The following CATSPER2 variants were observed in gnomAD, a reference collection of about 807,000 sequenced individuals.
CATSPER2 encodes cation channel sperm-associated protein 2.
CATSPER2 carries 56 observed loss-of-function variants against 68.8 expected under a neutral mutation model. That is an observed-to-expected ratio of 0.81 (90% CI 0.66 to 1.02). The LOEUF (loss-of-function observed/expected upper bound fraction) is 1.02. CATSPER2 is among the 50% of genes least tolerant of loss of function. The pLI, the probability that CATSPER2 is intolerant of heterozygous loss-of-function variation, is 0.00. For missense variants in CATSPER2, 582 were observed against 642.0 expected (o/e 0.91, Z 1.01); for synonymous variants, 198 against 229.9 (o/e 0.86, Z 1.26).
chr15:43,632,894 A>G lies in CATSPER2; in HGVS notation c.1219T>C (p.Ser407Pro), dbSNP rs143154095. Residue 407 changes from serine (S) to proline (P), a missense_variant, in exon 11 of 13, where the codon TCA becomes CCA. By Grantham distance (74) the Ser-to-Pro change is moderately conservative. Around this residue, in one of 5 missense-constraint regions of CATSPER2, gnomAD observed 235 missense variants for 264.2 expected, o/e 0.89. Coordinates refer to ENST00000396879, the MANE Select transcript of CATSPER2 (RefSeq NM_172095.4). ...TTAGACTCTACTTCAGACACTTCTG[A>G]TAAGTCCAAACTTTCCCTTTGTTGA... ...ASQQRESLDL[S>P]EVSEVESNYG... is the part of the protein sequence containing the mutation. 18 of 1,609,290 alleles carry G rather than the reference A, an allele frequency of 1.1e-5. 2 individuals carry two copies. The highest frequency in any genetic ancestry group is 5.5e-5 in the South Asian group (5 of 90,870).
At chr15:43,633,722 G>T (rs1246314551) in intron 10 of CATSPER2, 3 of 151,452 alleles carry the variant, frequency 2.0e-5, no homozygotes, top group African/African-American at 7.3e-5. Context: ...GGCGGGTGGA[G>T]TGCCTGAGCT....
intron 12 of CATSPER2, chr15:43,631,356 G>C (rs559057729): frequency 2.4e-4 from 44 of 185,756 alleles, no homozygotes; most frequent in South Asian, 7.8e-4. Flanking sequence ...TCAGCCTCCC[G>C]AGTAGCTGGG....
chr15:43,640,354 C>G lies in CATSPER2; in HGVS notation c.531G>C (p.Trp177Cys). The change falls in exon 5 of 13, where the codon TGG (tryptophan) becomes TGC (cysteine). Residue 177 changes from tryptophan (W) to cysteine (C), a missense_variant. Coordinates refer to ENST00000396879, the MANE Select transcript of CATSPER2 (RefSeq NM_172095.4). ...SNFSVFWKSA[W>C]NVFDFVVTML... ...TGGTAACAACAAAGTCAAAGACATT[C>G]CAGGCACTCTTCCAGAAAACAGAAA... The G allele has an allele frequency of 6.2e-7, 1 of 1,612,022 alleles. No individual in the cohort carries two copies. The highest frequency in any genetic ancestry group is 8.5e-7 in the Non-Finnish European group (1 of 1,178,626).
intron 4 of CATSPER2, 35 bp downstream of exon 4, chr15:43,647,015 C>T: frequency 6.4e-7 from 1 of 1,571,366 alleles, no homozygotes; most frequent in East Asian, 2.2e-5. Flanking sequence ...GCGTGCCCGG[C>T]CTCACTTCCT....
intron 4 of CATSPER2, among the ~76,000 whole-genome samples, chr15:43,641,825 T>C (rs1018630024): frequency 2.0e-5 from 3 of 151,976 alleles, no homozygotes; most frequent in African/African-American, 7.3e-5. Context: ...TCTGGGTAAC[T>C]GGGACCACAG....
chr15:43,633,016 C>G (rs1397951476), intron 10 of CATSPER2, 82 bp from the exon 11 acceptor site: 7 of 1,162,588 alleles, frequency 6.0e-6, no homozygotes, highest in Admixed American at 2.2e-5. Flanking sequence ...CCCCTGGCCA[C>G]CCCCTAAAGC....
rs759943805 is a variant in CATSPER2 at position 43,648,841 on chromosome 15, C to T, written c.-215G>A. The T allele has an allele frequency of 1.3e-6, 2 of 1,528,242 alleles. No homozygotes were observed. Among genetic ancestry groups the T allele is most frequent in the Admixed American group, 2.0e-5 (1 of 50,366 alleles). The allele number at this position is 1,528,242 out of a possible 1,614,324, so 94.7% of individuals were successfully genotyped here. ...ACCCACAGCCCAGGACCATGCGGAG[C>T]AACGCTCGCCCAGCCACTCGCCGCC... On this transcript the variant is annotated 5_prime_UTR_variant, in exon 1 of 13. Transcript: ENST00000396879.
intron 4 of CATSPER2, among the ~76,000 whole-genome samples, chr15:43,644,368 G>A (rs932840557): frequency 1.3e-5 from 2 of 151,950 alleles, no homozygotes; most frequent in Non-Finnish European, 2.9e-5. Flanking sequence ...AGCTTGCCAG[G>A]TAATTTCTAG....
chr15:43,632,610 A>G lies in CATSPER2; in HGVS notation c.1396+107T>C, dbSNP rs2141547202. 26 of 1,589,814 alleles carry G rather than the reference A, an allele frequency of 1.6e-5. 1 individual carries two copies. The highest frequency in any genetic ancestry group is 2.2e-5 in the Non-Finnish European group (26 of 1,168,232). ...AAAAACAAAGTAATTAAGACCAGAA[A>G]ATTGGAAAGGAGATATACTAGGAGA... On this transcript the variant is annotated intron_variant, in intron 11 of 12. Coordinates refer to ENST00000396879, the MANE Select transcript of CATSPER2 (RefSeq NM_172095.4).
Position 43,647,971 on chromosome 15 carries a change from G to A in CATSPER2, c.91C>T (p.His31Tyr). ...ACAGCTTGGCTCAAGCCTTGCAAAT[G>A]CTCAATGAGAGAGAAAGTATCGATG... Reference protein sequence around the residue: ...RLIDTFSLIEHLQGLSQAVPR... With the variant: ...RLIDTFSLIEYLQGLSQAVPR... Residue 31 changes from histidine to tyrosine, a missense_variant, in exon 2 of 13, where the codon CAT (histidine) becomes TAT (tyrosine). Physicochemically the swap from His to Tyr is moderately conservative, Grantham distance 83. Transcript: ENST00000396879. 6.2e-7 allele frequency: 1 copy of A among 1,613,694 alleles called. No individual in the cohort carries two copies. The highest frequency in any genetic ancestry group is 2.2e-5 in the East Asian group (1 of 44,860).
intron 7 of CATSPER2, among the ~76,000 whole-genome samples, chr15:43,638,672 T>C (rs1412851091): frequency 6.6e-6 from 1 of 151,840 alleles, no homozygotes; most frequent in Non-Finnish European, 1.5e-5. Flanking sequence ...CTGATGACAG[T>C]GTGGTTTGAA....
At chr15:43,646,986 G>A in intron 4 of CATSPER2, 64 bp downstream of exon 4, 1 of 1,408,396 alleles carries the variant, frequency 7.1e-7, no homozygotes, top group Non-Finnish European at 1.0e-6. Context: ...CAAAGTGCTA[G>A]GATTACACGT....
Position 43,646,951 on chromosome 15 carries a change from C to T in CATSPER2, c.388+99G>A, listed in dbSNP as rs1214764320. ...AGGCTGGTCTCCAACTCCTGAGCTC[C>T]GGCAATCCACACGCCCCGGCCTCCC... On this transcript the variant is annotated intron_variant, in intron 4 of 12. Transcript: ENST00000396879. 5.0e-5 allele frequency: 50 copies of T among 1,007,756 alleles called. 1 individual carries two copies. The highest frequency in any genetic ancestry group is 1.5e-4 in the East Asian group (6 of 41,334). 62.4% of individuals were successfully genotyped at this position (1,007,756 alleles called of 1,614,324 possible).
chr15:43,638,116 G>A (rs2141560835), intron 7 of CATSPER2, among the ~76,000 whole-genome samples: 1 of 150,432 alleles, frequency 6.6e-6, no homozygotes, highest in African/African-American at 2.4e-5. Flanking sequence ...CACCACACCT[G>A]GCTAATTTTT....
chr15:43,646,089 T>G (rs573778683), intron 4 of CATSPER2, among the ~76,000 whole-genome samples: 1 of 152,004 alleles, frequency 6.6e-6, no homozygotes, highest in African/African-American at 2.4e-5. Context: ...AAATGTTAGA[T>G]CGTTCACTGA....
Position 43,636,196 on chromosome 15 carries a change from G to A in CATSPER2, c.866C>T (p.Thr289Ile). The A allele has an allele frequency of 1.9e-6, 3 of 1,613,126 alleles. No homozygotes were observed. Among genetic ancestry groups the A allele is most frequent in the Non-Finnish European group, 2.5e-6 (3 of 1,179,510 alleles). Reference protein sequence around the residue: ...FFSDLPNSLVTVFILFTLDHW... With the variant: ...FFSDLPNSLVIVFILFTLDHW... ...ATCCAAGGTGAAGAGAATGAACACT[G>A]TTACCAGGGAATTCGGGAGGTCCCT... The change falls in exon 8 of 13, where the codon ACA becomes ATA. Residue 289 changes from threonine (T) to isoleucine (I), a missense_variant. Physicochemically the swap from Thr to Ile is moderately conservative, Grantham distance 89. Coordinates refer to ENST00000396879, the MANE Select transcript of CATSPER2 (RefSeq NM_172095.4).
Position 43,648,659 on chromosome 15 carries a change from C to A in CATSPER2, c.-33G>T. 1 of 1,418,692 alleles carries A rather than the reference C, an allele frequency of 7.0e-7. No individual in the cohort carries two copies. The highest frequency in any genetic ancestry group is 9.2e-7 in the Non-Finnish European group (1 of 1,090,250). The allele number at this position is 1,418,692 out of a possible 1,614,324, so 87.9% of individuals were successfully genotyped here. ...CCCAGGTTCTCTTTGCCCACTCAGT[C>A]CTTATTTCACGCTTCCGCCTCCAGC... On this transcript the variant is annotated 5_prime_UTR_variant, in exon 1 of 13. Coordinates refer to ENST00000396879, the MANE Select transcript of CATSPER2 (RefSeq NM_172095.4).
At position 43,630,133 on chromosome 15, in the gene CATSPER2, T is replaced by C. The variant is rs1175613579; in HGVS notation, c.*568A>G. The C allele has an allele frequency of 6.2e-6, 1 of 161,374 alleles. No individual in the cohort carries two copies. The highest frequency in any genetic ancestry group is 5.8e-5 in the Admixed American group (1 of 17,352). 10.0% of individuals were successfully genotyped at this position (161,374 alleles called of 1,614,324 possible). A position where few individuals can be genotyped will look rare whatever the true frequency, so the allele number is the denominator to read the frequency against. ...GCATCTGAGCTAACTTGTTTTGTTC[T>C]TTTTTAGAGATAGGGTCTCGCTATG... On this transcript the variant is annotated 3_prime_UTR_variant, in exon 13 of 13. Transcript: ENST00000396879.
chr15:43,643,364 T>C lies in CATSPER2; in HGVS notation c.389-2868A>G, dbSNP rs147857093. ...AAACATAATTTCTTTCTTTTTTTTTTTGAGATGGATTCCCACTCACTCTGT... is the reference window on the plus strand; with the variant it reads ...AAACATAATTTCTTTCTTTTTTTTTCTGAGATGGATTCCCACTCACTCTGT... On this transcript the variant is annotated intron_variant, in intron 4 of 12. Transcript: ENST00000396879. Among the ~76,000 whole-genome samples the C allele has an allele frequency of 6.6e-4, 101 of 152,016 alleles. 4 individuals carry two copies. The highest frequency in any genetic ancestry group is 3.4e-3 in the Middle Eastern group (1 of 294).
Sources: allele counts gnomAD v4.1 joint callset (sites outside exome capture counted in the v4.1 genomes callset), GRCh38; gene constraint gnomAD v4.1.1; regional missense constraint gnomAD v4.1.1; transcripts MANE v1.5; gene names NCBI Gene and HGNC (gene_info 2026-07-23, HGNC 2026-07-21).